IGHMBP2: variants seen among roughly 807,000 people sequenced by gnomAD.
The protein encoded by IGHMBP2 is DNA-binding protein SMUBP-2.
A neutral mutation model predicts 96.0 loss-of-function variants in IGHMBP2; 81 were observed. The ratio of observed to expected loss-of-function variants is 0.84; its 90% CI spans 0.71 to 1.01. The LOEUF (loss-of-function observed/expected upper bound fraction) is 1.01. IGHMBP2 is among the 50% of genes least tolerant of loss of function. The probability of loss-of-function intolerance (pLI) is 0.00; values close to 1 mark genes in which losing one functional copy is unlikely to be tolerated. For missense variants in IGHMBP2, 1,227 were observed against 1,306.3 expected (o/e 0.94, Z 0.94); for synonymous variants, 557 against 548.9 (o/e 1.01, Z -0.21).
rs780692442 is a variant in IGHMBP2 at position 68,929,344 on chromosome 11, ACAGTCTCT to A, written c.1225_1232del (p.Val409GlnfsTer17). ...CGATCACAAGCAGCTGCCCCCCACC[ACAGTCTCT>A]CACAAGTAAGACCCCTTTGCCTCAC... On this transcript the variant is annotated frameshift_variant, in exon 8 of 15. Transcript: ENST00000255078. LOFTEE classifies it high-confidence loss of function. The A allele has an allele frequency of 3.1e-6, 5 of 1,613,200 alleles. No individual in the cohort carries two copies. Among genetic ancestry groups the A allele is most frequent in the Non-Finnish European group, 3.4e-6 (4 of 1,179,972 alleles).
chr11:68,913,862 C>G (rs781551277), intron 5 of IGHMBP2, among the ~76,000 whole-genome samples: 14 of 152,230 alleles, frequency 9.2e-5, no homozygotes, highest in Middle Eastern at 3.4e-3. Flanking sequence ...CACGAAACAC[C>G]AGGAGTGTGG....
At chr11:68,932,570 T>G (rs1226655697) in intron 8 of IGHMBP2, 1 of 152,652 alleles carries the variant, frequency 6.6e-6, no homozygotes, top group East Asian at 1.9e-4. Context: ...TGAAGGGAGT[T>G]AATCCACATC....
chr11:68,917,459 G>T (rs997439711), intron 6 of IGHMBP2, among the ~76,000 whole-genome samples: 1 of 152,230 alleles, frequency 6.6e-6, no homozygotes, highest in Non-Finnish European at 1.5e-5. Flanking sequence ...AAATGCCTGT[G>T]TGCAGGGCAG....
rs763391719 is a variant in IGHMBP2 at position 68,908,193 on chromosome 11, C to A, written c.305C>A (p.Ala102Asp). The A allele has an allele frequency of 6.8e-6, 11 of 1,613,870 alleles. No homozygotes were observed. In the East Asian group the frequency reaches 2.5e-4, roughly 36 times the overall value. Residue 102 changes from alanine (A) to aspartate (D), a missense_variant, in exon 3 of 15, where the codon GCC becomes GAC. Around this residue, in one of 3 missense-constraint regions of IGHMBP2, gnomAD observed 507 missense variants for 496.9 expected, o/e 1.02. Transcript: ENST00000255078. ...YDAANEGSQL[A>D]TGILTRVTQK... Reference sequence around the variant, plus strand: ...GCTGCTAATGAGGGCAGTCAGCTGGCCACTGGGATCTTGACCCGGGTCACC... The same window carrying A: ...GCTGCTAATGAGGGCAGTCAGCTGGACACTGGGATCTTGACCCGGGTCACC...
At chr11:68,928,725 C>T (rs1044558860) in intron 7 of IGHMBP2, among the ~76,000 whole-genome samples, 1 of 152,208 alleles carries the variant, frequency 6.6e-6, no homozygotes. Flanking sequence ...GCTCCGCGTC[C>T]CAGGAAGGAA....
Position 68,936,315 on chromosome 11 carries a change from G to A in IGHMBP2, c.1835G>A (p.Cys612Tyr). The A allele has an allele frequency of 6.2e-7, 1 of 1,614,256 alleles. No individual in the cohort carries two copies. The highest frequency in any genetic ancestry group is 1.3e-5 in the African/African-American group (1 of 75,066). ...TRARRHVAVI[C>Y]DSRTVNNHAF... is the part of the protein sequence containing the mutation. ...GCCCGACGCCACGTGGCGGTCATCT[G>A]TGACTCCCGTACTGTCAACAACCAT... The change falls in exon 13 of 15, where the codon TGT becomes TAT. Residue 612 changes from cysteine (C) to tyrosine (Y), a missense_variant. By Grantham distance (194) the Cys-to-Tyr change is radical. Coordinates refer to ENST00000255078, the MANE Select transcript of IGHMBP2 (RefSeq NM_002180.3).
intron 2 of IGHMBP2, among the ~76,000 whole-genome samples, chr11:68,907,009 T>C (rs913037640): frequency 2.6e-5 from 4 of 151,732 alleles, no homozygotes; most frequent in African/African-American, 4.8e-5. Context: ...CCTGTAATCC[T>C]AGCACTTTGG....
chr11:68,930,974 A>G (rs1268556964), intron 8 of IGHMBP2, among the ~76,000 whole-genome samples: 1 of 152,156 alleles, frequency 6.6e-6, no homozygotes, highest in African/African-American at 2.4e-5. Flanking sequence ...GAGGGAAGGA[A>G]GGATGTGCCA....
At chr11:68,918,566 C>G (rs974259483) in intron 7 of IGHMBP2, among the ~76,000 whole-genome samples, 6 of 152,076 alleles carry the variant, frequency 3.9e-5, no homozygotes, top group Non-Finnish European at 7.4e-5. Context: ...TGCTTGAATC[C>G]TGGAGGTGGA....
intron 5 of IGHMBP2, among the ~76,000 whole-genome samples, chr11:68,912,663 G>C (rs1284683284): frequency 6.6e-6 from 1 of 152,018 alleles, no homozygotes; most frequent in Non-Finnish European, 1.5e-5. Context: ...ACTGGGTGCT[G>C]CCTACCACCA....
chr11:68,911,501 G>A lies in IGHMBP2; in HGVS notation c.609G>A (p.Ala203=), dbSNP rs761677597. ...CCCAGAAAGAAGCGGTTTTATTTGC[G>A]CTGTCTCAGAAAGAACTTGCCATCA... ...DTSQKEAVLF[A]LSQKELAIIH... The change falls in exon 5 of 15, where the codon GCG becomes GCA. Residue 203 remains alanine (A), a synonymous_variant. Transcript: ENST00000255078. 9.3e-6 allele frequency: 15 copies of A among 1,613,986 alleles called. No homozygotes were observed. The highest frequency in any genetic ancestry group is 2.2e-5 in the South Asian group (2 of 91,082).
At chr11:68,910,215 C>T (rs1304679806) in intron 4 of IGHMBP2, among the ~76,000 whole-genome samples, 1 of 152,248 alleles carries the variant, frequency 6.6e-6, no homozygotes, top group African/African-American at 2.4e-5. Context: ...TTTTTAAATA[C>T]TCATTTTCTT....
At position 68,940,157 on chromosome 11, in the gene IGHMBP2, G is replaced by A. The variant is rs1859700821; in HGVS notation, c.*426G>A. 5.1e-6 allele frequency: 1 copy of A among 195,266 alleles called. No homozygotes were observed. The highest frequency in any genetic ancestry group is 2.4e-5 in the African/African-American group (1 of 42,490). The allele number at this position is 195,266 out of a possible 1,614,324, so 12.1% of individuals were successfully genotyped here. On this transcript the variant is annotated 3_prime_UTR_variant, in exon 15 of 15. Coordinates refer to ENST00000255078, the MANE Select transcript of IGHMBP2 (RefSeq NM_002180.3). ...GAAACAGGAAACAAGACTGCGAATG[G>A]CGCTCAGGCAGGGAGCAGGGAGTGG...
chr11:68,915,165 C>CTTTTTTTTTTTTT, intron 6 of IGHMBP2, 142 bp downstream of exon 6: 2 of 265,078 alleles, frequency 7.5e-6, no homozygotes, highest in Admixed American at 6.2e-5. Flanking sequence ...ATTGGGCTGC[C>CTTTTTTTTTTTTT]CTTTTTTTTT....
At chr11:68,914,724 T>C in intron 5 of IGHMBP2, 99 bp from the exon 6 acceptor site, 1 of 1,248,540 alleles carries the variant, frequency 8.0e-7, no homozygotes, top group Non-Finnish European at 1.2e-6. Context: ...GTACATGCCT[T>C]GTGCTTCTTT....
intron 8 of IGHMBP2, 186 bp from the exon 9 acceptor site, chr11:68,933,113 G>C: frequency 1.6e-6 from 1 of 627,022 alleles, no homozygotes; most frequent in East Asian, 2.8e-5. Flanking sequence ...CACGGGCCTT[G>C]GCGATTGGAT....
intron 8 of IGHMBP2, among the ~76,000 whole-genome samples, chr11:68,930,715 T>C (rs1340193026): frequency 1.3e-5 from 2 of 152,008 alleles, no homozygotes; most frequent in Non-Finnish European, 2.9e-5. Context: ...TGAAGAACAG[T>C]TTTATTTAGT....
intron 11 of IGHMBP2, among the ~76,000 whole-genome samples, 178 bp from the exon 12 acceptor site, chr11:68,935,121 G>T (rs547119430): frequency 6.6e-6 from 1 of 152,228 alleles, no homozygotes; most frequent in Non-Finnish European, 1.5e-5. Context: ...TGGTATTGGC[G>T]TGCATGCGTG....
At chr11:68,930,428 T>C (rs1181267252) in intron 8 of IGHMBP2, 1 of 1,288,542 alleles carries the variant, frequency 7.8e-7, no homozygotes, top group African/African-American at 1.5e-5. Flanking sequence ...AGCCCAGGAG[T>C]TGGCGGGTAT....
Sources: gnomAD v4.1 joint callset for allele counts (sites outside exome capture counted in the v4.1 genomes callset) on GRCh38, gnomAD v4.1.1 for gene constraint, gnomAD v4.1.1 regional missense constraint, MANE v1.5 for transcripts, NCBI Gene and HGNC (gene_info 2026-07-23, HGNC 2026-07-21) for gene names.